STXBP5L: variants seen among roughly 807,000 people sequenced by gnomAD.
STXBP5L encodes the protein syntaxin binding protein 5L.
A neutral mutation model predicts 144.5 loss-of-function variants in STXBP5L; 65 were observed. The observed-to-expected ratio is 0.45, with a 90% CI of 0.37 to 0.55. The LOEUF (loss-of-function observed/expected upper bound fraction) is 0.55. Among genes scored for constraint, STXBP5L ranks in the 20% least tolerant of loss-of-function variants. The probability of loss-of-function intolerance (pLI) is 0.00; values close to 1 mark genes in which losing one functional copy is unlikely to be tolerated. For synonymous variants in STXBP5L, 505 were observed against 469.6 expected, an observed-to-expected ratio of 1.08 and a Z score of -0.97; for missense variants, 1,298 against 1,405.5, an observed-to-expected ratio of 0.92 and a Z score of 1.22.
intron 5 of STXBP5L, among the ~76,000 whole-genome samples, chr3:121,110,942 C>CT (rs1358526334): frequency 6.6e-6 from 1 of 151,876 alleles, no homozygotes; most frequent in African/African-American, 2.4e-5. Flanking sequence ...ATTCCTTTTT[C>CT]TTTTTTTTCC....
At chr3:121,178,301 AT>A (rs1308258031) in intron 9 of STXBP5L, among the ~76,000 whole-genome samples, 2 of 152,194 alleles carry the variant, frequency 1.3e-5, no homozygotes, top group Admixed American at 1.3e-4. Context: ...TTTTACTACA[AT>A]TTAAAAAACT....
At chr3:121,300,232 A>G (rs981548774) in intron 19 of STXBP5L, among the ~76,000 whole-genome samples, 19 of 152,278 alleles carry the variant, frequency 1.2e-4, no homozygotes, top group African/African-American at 4.1e-4. Flanking sequence ...CAAAAATATC[A>G]TTCAAAAATG....
chr3:121,365,446 C>A (rs558811624), intron 20 of STXBP5L, among the ~76,000 whole-genome samples: 1 of 149,930 alleles, frequency 6.7e-6, no homozygotes, highest in East Asian at 2.0e-4. Context: ...CTGATTAAAT[C>A]TTTTTACTAG....
chr3:120,920,125 T>C (rs1239540782), intron 2 of STXBP5L, among the ~76,000 whole-genome samples: 1 of 151,860 alleles, frequency 6.6e-6, no homozygotes, highest in Non-Finnish European at 1.5e-5. Context: ...AGTCTAATAC[T>C]TATTGAGACT....
chr3:121,273,710 T>A (rs891987271), intron 18 of STXBP5L, among the ~76,000 whole-genome samples: 4 of 152,106 alleles, frequency 2.6e-5, no homozygotes, highest in African/African-American at 9.7e-5. Context: ...TCTATAGGGT[T>A]TCTTTCCTCT....
chr3:121,003,424 T>G (rs1197959692), intron 3 of STXBP5L, among the ~76,000 whole-genome samples: 2 of 152,246 alleles, frequency 1.3e-5, no homozygotes, highest in African/African-American at 4.8e-5. Context: ...GTAATTTTGT[T>G]TGAGTTCATT....
At chr3:121,149,040 G>C (rs1164803233) in intron 7 of STXBP5L, among the ~76,000 whole-genome samples, 1 of 152,010 alleles carries the variant, frequency 6.6e-6, no homozygotes, top group Non-Finnish European at 1.5e-5. Flanking sequence ...TCAGGATAGT[G>C]GTTATTTTTA....
intron 5 of STXBP5L, among the ~76,000 whole-genome samples, chr3:121,079,980 A>T (rs1167327244): frequency 6.6e-6 from 1 of 152,166 alleles, no homozygotes; most frequent in East Asian, 1.9e-4. Context: ...TCTAGTACTA[A>T]TTGTTTAATA....
intron 3 of STXBP5L, among the ~76,000 whole-genome samples, chr3:121,005,206 T>C (rs1944177654): frequency 1.3e-5 from 2 of 152,192 alleles, no homozygotes; most frequent in Non-Finnish European, 2.9e-5. Flanking sequence ...TGGTAGGCTA[T>C]TAATTATTGC....
chr3:121,198,148 C>T (rs2047995373), intron 9 of STXBP5L, among the ~76,000 whole-genome samples: 1 of 152,142 alleles, frequency 6.6e-6, no homozygotes, highest in Non-Finnish European at 1.5e-5. Context: ...CACAGACTCA[C>T]CAGCGTCTGT....
chr3:120,967,172 G>C (rs757358133), intron 3 of STXBP5L, among the ~76,000 whole-genome samples: 1 of 152,038 alleles, frequency 6.6e-6, no homozygotes, highest in African/African-American at 2.4e-5. Context: ...GTATTTGGTC[G>C]GGGAGTGTCC....
chr3:121,267,493 A>G (rs1339233134), intron 18 of STXBP5L, among the ~76,000 whole-genome samples: 1 of 152,234 alleles, frequency 6.6e-6, no homozygotes, highest in Admixed American at 6.5e-5. Context: ...TTCAGGACAT[A>G]GGCATGGGCA....
intron 20 of STXBP5L, among the ~76,000 whole-genome samples, chr3:121,356,349 T>A (rs539761967): frequency 6.6e-6 from 1 of 152,312 alleles, no homozygotes; most frequent in African/African-American, 2.4e-5. Context: ...GGCTCCCTCA[T>A]TTTGAGCTTC....
intron 10 of STXBP5L, among the ~76,000 whole-genome samples, chr3:121,211,507 G>A (rs1366655645): frequency 4.7e-5 from 7 of 150,512 alleles, no homozygotes; most frequent in Non-Finnish European, 8.9e-5. Context: ...TCTTGTGCCA[G>A]TTTTCAAAGA....
In STXBP5L at chr3:120,999,705, G is replaced by A. The variant is rs147430107; in HGVS notation, c.288-41995G>A. ...TGTACTTACATATGTTTTTGTGATG[G>A]GTGGTAAGTCTTTCATTTTCAGGAT... On this transcript the variant is annotated intron_variant, in intron 3 of 26. Transcript: ENST00000471454. Among the ~76,000 whole-genome samples the A allele has an allele frequency of 5.2e-4, 79 of 152,090 alleles. 4 individuals are homozygous for A. In the East Asian group the frequency reaches 0.014, roughly 27 times the overall value.
intron 20 of STXBP5L, among the ~76,000 whole-genome samples, chr3:121,377,030 G>A (rs544617679): frequency 8.1e-4 from 123 of 152,250 alleles, no homozygotes; most frequent in African/African-American, 2.9e-3. Flanking sequence ...CTGTCTGTTT[G>A]TCTATTATTG....
chr3:121,273,929 G>T (rs1008058012), intron 18 of STXBP5L, among the ~76,000 whole-genome samples: 2 of 151,756 alleles, frequency 1.3e-5, no homozygotes, highest in African/African-American at 2.4e-5. Flanking sequence ...TTTTATTCAC[G>T]TATTATTTTC....
intron 9 of STXBP5L, among the ~76,000 whole-genome samples, chr3:121,197,082 T>C (rs1018660719): frequency 1.3e-5 from 2 of 152,198 alleles, no homozygotes; most frequent in African/African-American, 4.8e-5. Flanking sequence ...ACTGGAGTTT[T>C]TAGTATGTTA....
At chr3:121,321,847 A>G (rs1157585599) in intron 20 of STXBP5L, among the ~76,000 whole-genome samples, 2 of 152,176 alleles carry the variant, frequency 1.3e-5, no homozygotes, top group East Asian at 1.9e-4. Context: ...TCTCCTTTTA[A>G]TATAATTTCA....
Sources: gnomAD v4.1 joint callset for allele counts (sites outside exome capture counted in the v4.1 genomes callset) on GRCh38, gnomAD v4.1.1 for gene constraint, MANE v1.5 for transcripts, NCBI Gene and HGNC (gene_info 2026-07-23, HGNC 2026-07-21) for gene names.